The following CYP2C19 variants were observed in gnomAD, a reference collection of about 807,000 sequenced individuals.
CYP2C19 encodes the protein cytochrome P450 2C19.
CYP2C19 carries 59 observed loss-of-function variants against 40.9 expected under a neutral mutation model. The ratio of observed to expected loss-of-function variants is 1.44; its 90% CI spans 1.17 to 1.79. The LOEUF (loss-of-function observed/expected upper bound fraction) is 1.79, where lower values mean the gene tolerates loss of function less well. Among genes scored for constraint, CYP2C19 ranks in the 40% most tolerant of loss-of-function variants. The probability of loss-of-function intolerance (pLI) is 0.00; values close to 1 mark genes in which losing one functional copy is unlikely to be tolerated. For synonymous variants in CYP2C19, 253 were observed against 208.7 expected (o/e 1.21, Z -1.83); for missense variants, 754 against 596.9 (o/e 1.26, Z -2.74).
At chr10:94,797,773 T>G (rs1003244050) in intron 5 of CYP2C19, among the ~76,000 whole-genome samples, 1 of 152,158 alleles carries the variant, frequency 6.6e-6, no homozygotes, top group Non-Finnish European at 1.5e-5. Context: ...CTAGTTTATT[T>G]GCATACAGGT....
intron 5 of CYP2C19, among the ~76,000 whole-genome samples, chr10:94,800,331 G>A (rs1848746359): frequency 6.6e-6 from 1 of 152,186 alleles, no homozygotes; most frequent in African/African-American, 2.4e-5. Flanking sequence ...ATAACCAGCG[G>A]AGGCTGCAGA....
intron 5 of CYP2C19, among the ~76,000 whole-genome samples, chr10:94,818,049 CTTGAA>C (rs1849039523): frequency 6.8e-6 from 1 of 147,314 alleles, no homozygotes; most frequent in Admixed American, 6.8e-5. Flanking sequence ...TTTAATCCAT[CTTGAA>C]TTGATTTTTG....
At chr10:94,817,101 G>A (rs987412990) in intron 5 of CYP2C19, among the ~76,000 whole-genome samples, 21 of 144,822 alleles carry the variant, frequency 1.5e-4, no homozygotes, top group African/African-American at 5.1e-4. Flanking sequence ...CCCAGTAATG[G>A]GATGGCTGGG....
At chr10:94,839,991 T>A (rs1849467629) in intron 6 of CYP2C19, among the ~76,000 whole-genome samples, 1 of 148,564 alleles carries the variant, frequency 6.7e-6, no homozygotes, top group Non-Finnish European at 1.5e-5. Context: ...CTTTTTTTTA[T>A]TTTTTTTTGA....
At chr10:94,849,021 A>C (rs1365777409) in intron 7 of CYP2C19, among the ~76,000 whole-genome samples, 5 of 152,194 alleles carry the variant, frequency 3.3e-5, no homozygotes, top group Non-Finnish European at 5.9e-5. Context: ...TGTCATCTGC[A>C]AACAGGGACA....
At chr10:94,798,814 A>ATTTTTTTTTTTTTTTT (rs61240923) in intron 5 of CYP2C19, among the ~76,000 whole-genome samples, 143 of 67,648 alleles carry the variant, frequency 2.1e-3, no homozygotes, top group Non-Finnish European at 2.6e-3. Context: ...GCAACCCCTG[A>ATTTTTTTTTTTTTTTT]TTTTTTTTTT....
At chr10:94,822,537 T>C (rs1273294327) in intron 6 of CYP2C19, among the ~76,000 whole-genome samples, 2 of 152,208 alleles carry the variant, frequency 1.3e-5, no homozygotes, top group African/African-American at 4.8e-5. Flanking sequence ...GTGAACATAT[T>C]GGTGTGTGTG....
chr10:94,776,932 TAATA>T (rs1449237356), intron 3 of CYP2C19, among the ~76,000 whole-genome samples: 2 of 152,154 alleles, frequency 1.3e-5, no homozygotes. Context: ...CTGTTCATGC[TAATA>T]AGCAAATTCA....
In CYP2C19 at chr10:94,842,967, C is replaced by G; in HGVS notation, c.1092C>G (p.Thr364=). 6.2e-7 allele frequency: 1 copy of G among 1,614,176 alleles called. No individual in the cohort carries two copies. Among genetic ancestry groups the G allele is most frequent in the South Asian group, 1.1e-5 (1 of 91,084 alleles). The change falls in exon 7 of 9, where the codon ACC becomes ACG. Residue 364 remains threonine (T), a synonymous_variant. Coordinates refer to ENST00000371321, the MANE Select transcript of CYP2C19 (RefSeq NM_000769.4). ...EVQRYIDLIP[T]SLPHAVTCDV... Reference sequence around the variant, plus strand: ...AGAGATACATCGACCTCATCCCCACCAGCCTGCCCCATGCAGTGACCTGTG... The same window carrying G: ...AGAGATACATCGACCTCATCCCCACGAGCCTGCCCCATGCAGTGACCTGTG...
chr10:94,840,072 T>G (rs1849468605), intron 6 of CYP2C19, among the ~76,000 whole-genome samples: 1 of 152,168 alleles, frequency 6.6e-6, no homozygotes. Flanking sequence ...TTTCTACTTT[T>G]AGTTAAGTAG....
intron 5 of CYP2C19, among the ~76,000 whole-genome samples, chr10:94,808,499 C>T (rs1438456060): frequency 6.6e-6 from 1 of 152,090 alleles, no homozygotes. Flanking sequence ...TATAGTCACC[C>T]TATTGTGCTA....
chr10:94,852,615 T>G (rs1849670286), intron 8 of CYP2C19, 118 bp from the exon 9 acceptor site: 1 of 1,097,798 alleles, frequency 9.1e-7, no homozygotes. Flanking sequence ...TACTCATCCC[T>G]CCTATGATTC....
chr10:94,842,043 T>C (rs1209331946), intron 6 of CYP2C19, among the ~76,000 whole-genome samples: 2 of 152,204 alleles, frequency 1.3e-5, no homozygotes, highest in East Asian at 3.9e-4. Context: ...CAATATCTCC[T>C]TGTTGATTTT....
Position 94,816,568 on chromosome 10 carries a change from G to A in CYP2C19, c.820-3928G>A, listed in dbSNP as rs148952541. ...ATTTTTACAAAAACATAAGGAAAAT[G>A]TAGTCTCTTTCTTTTTTTTTTTATT... On this transcript the variant is annotated intron_variant, in intron 5 of 8. Transcript: ENST00000371321. Among the ~76,000 whole-genome samples the A allele has an allele frequency of 3.1e-3, 468 of 151,524 alleles. 3 individuals are homozygous for A. The highest frequency in any genetic ancestry group is 0.011 in the African/African-American group (445 of 41,342).
At chr10:94,836,917 T>C (rs1168951122) in intron 6 of CYP2C19, among the ~76,000 whole-genome samples, 1 of 151,804 alleles carries the variant, frequency 6.6e-6, no homozygotes, top group African/African-American at 2.4e-5. Context: ...CTTGGGCTAA[T>C]GCCTGGCCAA....
At chr10:94,781,603 G>T (rs972023566) in intron 4 of CYP2C19, among the ~76,000 whole-genome samples, 1 of 151,886 alleles carries the variant, frequency 6.6e-6, no homozygotes, top group African/African-American at 2.4e-5. Flanking sequence ...TATAAGTCTA[G>T]GAAATGATTA....
At chr10:94,765,010 C>T (rs753689814) in intron 1 of CYP2C19, among the ~76,000 whole-genome samples, 4 of 152,040 alleles carry the variant, frequency 2.6e-5, no homozygotes, top group South Asian at 2.1e-4. Flanking sequence ...GTGCAGAGTC[C>T]TCCTTTCTCA....
At chr10:94,813,081 C>T (rs1438108687) in intron 5 of CYP2C19, among the ~76,000 whole-genome samples, 6 of 151,546 alleles carry the variant, frequency 4.0e-5, no homozygotes, top group Non-Finnish European at 8.8e-5. Context: ...GATGTTGATG[C>T]TATTCCTTTC....
intron 7 of CYP2C19, among the ~76,000 whole-genome samples, chr10:94,849,538 T>G (rs1271725907): frequency 6.6e-6 from 1 of 151,824 alleles, no homozygotes; most frequent in Non-Finnish European, 1.5e-5. Context: ...TGTGCAGGTT[T>G]GTTACATATG....
Sources: gnomAD v4.1 joint callset for allele counts (sites outside exome capture counted in the v4.1 genomes callset) on GRCh38, gnomAD v4.1.1 for gene constraint, MANE v1.5 for transcripts, NCBI Gene and HGNC (gene_info 2026-07-23, HGNC 2026-07-21) for gene names.